The following CDH13 variants were observed in gnomAD, a reference collection of about 807,000 sequenced individuals.
The protein encoded by CDH13 is cadherin 13, also known as cadherin-13.
CDH13 carries 24 observed loss-of-function variants against 63.8 expected under a neutral mutation model. That is an observed-to-expected ratio of 0.38 (90% CI 0.27 to 0.53). The LOEUF (loss-of-function observed/expected upper bound fraction) is 0.53. Among genes scored for constraint, CDH13 ranks in the 20% least tolerant of loss-of-function variants. The pLI, the probability that CDH13 is intolerant of heterozygous loss-of-function variation, is 0.85. For synonymous variants in CDH13, 503 were observed against 355.3 expected (o/e 1.42, Z -4.67); for missense variants, 1,049 against 903.1 (o/e 1.16, Z -2.07).
At chr16:83,535,925 A>T (rs1343055374) in intron 7 of CDH13, among the ~76,000 whole-genome samples, 1 of 141,212 alleles carries the variant, frequency 7.1e-6, no homozygotes, top group Non-Finnish European at 1.5e-5. Context: ...GAAAGAAGGA[A>T]AGAAGGAAGG....
At chr16:83,074,057 C>G (rs527405990) in intron 3 of CDH13, among the ~76,000 whole-genome samples, 1 of 152,240 alleles carries the variant, frequency 6.6e-6, no homozygotes, top group African/African-American at 2.4e-5. Flanking sequence ...GCTGTAGTCA[C>G]CGTACTTTAC....
At chr16:83,527,995 G>A (rs1216004110) in intron 7 of CDH13, among the ~76,000 whole-genome samples, 1 of 152,166 alleles carries the variant, frequency 6.6e-6, no homozygotes, top group African/African-American at 2.4e-5. Flanking sequence ...AGGGCACGCA[G>A]GGAGTTTATC....
At chr16:83,102,431 C>T (rs569607879) in intron 3 of CDH13, among the ~76,000 whole-genome samples, 6 of 152,296 alleles carry the variant, frequency 3.9e-5, no homozygotes, top group Admixed American at 2.0e-4. Flanking sequence ...GTCTGGTGTG[C>T]TCCAGGATGC....
At chr16:83,384,761 T>C (rs77657466) in intron 6 of CDH13, among the ~76,000 whole-genome samples, 7,452 of 152,346 alleles carry the variant, frequency 0.049, 259 homozygotes, top group Non-Finnish European at 0.069. Flanking sequence ...GAATCTTTCC[T>C]GTCTCACTCT....
intron 1 of CDH13, among the ~76,000 whole-genome samples, chr16:82,790,389 C>T (rs140157495): frequency 1.3e-5 from 2 of 152,016 alleles, no homozygotes; most frequent in African/African-American, 2.4e-5. Flanking sequence ...GAGCCAAGAT[C>T]GCACCACTGC....
chr16:83,656,270 C>T (rs1367702165), intron 8 of CDH13, among the ~76,000 whole-genome samples: 2 of 152,158 alleles, frequency 1.3e-5, no homozygotes, highest in African/African-American at 4.8e-5. Context: ...TCAGCCTTCA[C>T]AACATGAATA....
At chr16:82,815,190 C>A (rs193273838) in intron 1 of CDH13, among the ~76,000 whole-genome samples, 1 of 152,000 alleles carries the variant, frequency 6.6e-6, no homozygotes, top group African/African-American at 2.4e-5. Flanking sequence ...TGTAGGGAGT[C>A]GGAACAGCCA....
chr16:83,609,240 T>C (rs563351921), intron 8 of CDH13, among the ~76,000 whole-genome samples: 1 of 149,122 alleles, frequency 6.7e-6, no homozygotes, highest in Non-Finnish European at 1.5e-5. Context: ...CATTATGAGA[T>C]TTTTTTTTTA....
chr16:82,842,283 C>G (rs1184823779), intron 1 of CDH13, among the ~76,000 whole-genome samples: 3 of 151,258 alleles, frequency 2.0e-5, no homozygotes, highest in Non-Finnish European at 4.4e-5. Context: ...ATCAGGGTAG[C>G]TCAGTCTTGA....
rs1555513922 is a variant in CDH13 at position 83,216,443 on chromosome 16, T to TAC, written c.484-898_484-897dup. On this transcript the variant is annotated intron_variant, in intron 4 of 13. Transcript: ENST00000567109. Reference sequence around the variant, plus strand: ...ATATATATATATATATATATATATATACACAACCCTAATTTGAGGTTTATA... The same window carrying TAC: ...ATATATATATATATATATATATATATACACACAACCCTAATTTGAGGTTTATA... 1.8e-3 allele frequency among the ~76,000 whole-genome samples: 168 copies of TAC among 93,430 alleles called. 12 individuals are homozygous for TAC. Among genetic ancestry groups the TAC allele is most frequent in the African/African-American group, 6.1e-3 (154 of 25,378 alleles). The allele number at this position is 93,430 out of a possible 152,430, so 61.3% of individuals were successfully genotyped here.
chr16:83,272,243 A>G (rs1044336003), intron 5 of CDH13, among the ~76,000 whole-genome samples: 2 of 152,222 alleles, frequency 1.3e-5, no homozygotes, highest in Non-Finnish European at 2.9e-5. Context: ...GTGCAAGTGC[A>G]TGATCCAGTG....
intron 2 of CDH13, among the ~76,000 whole-genome samples, chr16:82,984,401 T>C (rs1259270420): frequency 6.6e-6 from 1 of 152,210 alleles, no homozygotes; most frequent in African/African-American, 2.4e-5. Context: ...AGGAATGAGT[T>C]TAAATTCTGA....
At chr16:82,802,143 G>A (rs1407098447) in intron 1 of CDH13, among the ~76,000 whole-genome samples, 3 of 152,064 alleles carry the variant, frequency 2.0e-5, no homozygotes, top group Admixed American at 1.3e-4. Context: ...GCTTCTAAGG[G>A]GCATAATATT....
At chr16:83,564,204 C>T (rs1339770550) in intron 7 of CDH13, among the ~76,000 whole-genome samples, 2 of 151,810 alleles carry the variant, frequency 1.3e-5, no homozygotes, top group Non-Finnish European at 1.5e-5. Flanking sequence ...CAGGTGAATC[C>T]CCAGAGATGA....
intron 1 of CDH13, among the ~76,000 whole-genome samples, chr16:82,744,581 G>A (rs2034075375): frequency 1.3e-5 from 2 of 152,018 alleles, no homozygotes; most frequent in African/African-American, 4.8e-5. Context: ...CAGTTCCTGT[G>A]TATCCTGTGT....
chr16:83,474,375 C>T (rs1316043517), intron 6 of CDH13, among the ~76,000 whole-genome samples: 1 of 152,134 alleles, frequency 6.6e-6, no homozygotes, highest in Non-Finnish European at 1.5e-5. Context: ...CCAGAGTCTC[C>T]ATCTGTTCAG....
intron 8 of CDH13, among the ~76,000 whole-genome samples, chr16:83,655,721 T>C (rs1408234328): frequency 6.6e-6 from 1 of 152,164 alleles, no homozygotes; most frequent in African/African-American, 2.4e-5. Flanking sequence ...CTTTGTTCAG[T>C]GAAGACTCCC....
Position 83,032,151 on chromosome 16 carries a change from C to G in CDH13, c.299C>G (p.Thr100Ser). 1 of 1,613,566 alleles carries G rather than the reference C, an allele frequency of 6.2e-7. No individual in the cohort carries two copies. Among genetic ancestry groups the G allele is most frequent in the Non-Finnish European group, 8.5e-7 (1 of 1,179,702 alleles). ...AAAACTCTGTTCGTCCATGCACGGA[C>G]CCCCCATGCGGAAGATATGGCAGAA... ...VGKTLFVHARTPHAEDMAELV... is the reference protein window; with the variant it reads ...VGKTLFVHARSPHAEDMAELV... The change falls in exon 3 of 14, where the codon ACC becomes AGC. Residue 100 changes from threonine to serine, a missense_variant. Coordinates refer to ENST00000567109, the MANE Select transcript of CDH13 (RefSeq NM_001257.5).
chr16:82,945,892 C>T (rs965188508), intron 2 of CDH13, among the ~76,000 whole-genome samples: 1 of 152,130 alleles, frequency 6.6e-6, no homozygotes, highest in African/African-American at 2.4e-5. Flanking sequence ...CCTAGGGACA[C>T]TCTCAGTTCC....
Sources: allele counts gnomAD v4.1 joint callset (sites outside exome capture counted in the v4.1 genomes callset), GRCh38; gene constraint gnomAD v4.1.1; transcripts MANE v1.5; gene names NCBI Gene and HGNC (gene_info 2026-07-23, HGNC 2026-07-21).